The following ZNF565 variants were observed in gnomAD, a reference collection of about 807,000 sequenced individuals.
The protein encoded by ZNF565 is zinc finger protein 565.
ZNF565 carries 27 observed loss-of-function variants against 39.4 expected under a neutral mutation model. That is an observed-to-expected ratio of 0.69 (90% CI 0.51 to 0.95). The LOEUF (loss-of-function observed/expected upper bound fraction) is 0.95, where lower values mean the gene tolerates loss of function less well. Ranked by LOEUF, ZNF565 falls within the 40% of genes least tolerant of loss-of-function variation. ZNF565 has a pLI of 0.00. For synonymous variants in ZNF565, 185 were observed against 216.6 expected (o/e 0.85, Z 1.28); for missense variants, 524 against 621.1 (o/e 0.84, Z 1.66).
At chr19:36,212,165 A>C (rs528811104) in intron 1 of ZNF565, among the ~76,000 whole-genome samples, 11 of 152,354 alleles carry the variant, frequency 7.2e-5, no homozygotes, top group African/African-American at 2.6e-4. Flanking sequence ...CCCCAAAGGC[A>C]GAATCTGAAT....
chr19:36,182,578 G>C lies in ZNF565; in HGVS notation c.1388C>G (p.Thr463Ser). 1 of 1,614,020 alleles carries C rather than the reference G, an allele frequency of 6.2e-7. No homozygotes were observed. Among genetic ancestry groups the C allele is most frequent in the Non-Finnish European group, 8.5e-7 (1 of 1,179,970 alleles). Residue 463 changes from threonine (T) to serine (S), a missense_variant, in exon 5 of 5, where the codon ACC becomes AGC. Transcript: ENST00000304116. ...ACCAGGATGAATTCTCTGATGTTCG[G>C]TAAGTTGTGAACTACGAATAAAGGC... ...GMAFIRSSQL[T>S]EHQRIHPGIK... is the part of the protein sequence containing the mutation.
chr19:36,228,225 C>G (rs56686317), intron 1 of ZNF565, among the ~76,000 whole-genome samples: 39,035 of 150,632 alleles, frequency 0.26, 5,432 homozygotes, highest in African/African-American at 0.37. Flanking sequence ...AATAGGACTT[C>G]AGGAAAATGT....
chr19:36,210,322 G>A (rs1976305197), intron 1 of ZNF565, among the ~76,000 whole-genome samples: 1 of 150,590 alleles, frequency 6.6e-6, no homozygotes, highest in Admixed American at 6.7e-5. Context: ...TACTCGGGAG[G>A]CTGAGGCAGG....
intron 1 of ZNF565, among the ~76,000 whole-genome samples, chr19:36,205,484 C>T (rs984193444): frequency 6.6e-6 from 1 of 152,046 alleles, no homozygotes; most frequent in Non-Finnish European, 1.5e-5. Flanking sequence ...GCCGAGATGG[C>T]ACCATTGCAC....
chr19:36,238,802 A>G (rs180817894), intron 1 of ZNF565: 43 of 166,752 alleles, frequency 2.6e-4, no homozygotes, highest in African/African-American at 6.5e-4. Context: ...AACATGGCAT[A>G]CACACTATAT....
At chr19:36,187,457 A>G (rs1599912732) in intron 4 of ZNF565, among the ~76,000 whole-genome samples, 1 of 139,342 alleles carries the variant, frequency 7.2e-6, no homozygotes, top group Admixed American at 7.3e-5. Flanking sequence ...TGCCTCCCGG[A>G]TTCACGCCAT....
chr19:36,195,534 AT>A (rs1039263258), intron 2 of ZNF565, among the ~76,000 whole-genome samples: 4 of 147,686 alleles, frequency 2.7e-5, no homozygotes, highest in Non-Finnish European at 4.5e-5. Context: ...AGTGTTCTCA[AT>A]TTTTTTTCTT....
intron 1 of ZNF565, among the ~76,000 whole-genome samples, chr19:36,222,122 C>T (rs1199931218): frequency 6.6e-6 from 1 of 151,974 alleles, no homozygotes; most frequent in Non-Finnish European, 1.5e-5. Context: ...GATGAGGTCT[C>T]ACTGTTTCCC....
chr19:36,241,175 G>A (rs1281256951), intron 1 of ZNF565, among the ~76,000 whole-genome samples: 7 of 152,162 alleles, frequency 4.6e-5, no homozygotes, highest in Non-Finnish European at 4.4e-5. Context: ...TTATTTAATG[G>A]AGGAAAGAAT....
chr19:36,207,558 TAACA>T (rs940977801), intron 1 of ZNF565, among the ~76,000 whole-genome samples: 15 of 148,588 alleles, frequency 1.0e-4, no homozygotes, highest in Admixed American at 2.0e-4. Flanking sequence ...AAAAAATACA[TAACA>T]AACAAACAAC....
chr19:36,217,626 T>C (rs1262388388), upstream of ZNF565, among the ~76,000 whole-genome samples: 1 of 152,110 alleles, frequency 6.6e-6, no homozygotes, highest in Non-Finnish European at 1.5e-5. Context: ...AATATGTATT[T>C]ATAATCCCAG....
At chr19:36,187,915 G>A (rs1975367746) in intron 4 of ZNF565, among the ~76,000 whole-genome samples, 1 of 151,862 alleles carries the variant, frequency 6.6e-6, no homozygotes, top group Admixed American at 6.6e-5. Flanking sequence ...TGGGATTACA[G>A]GCGTGAGCCA....
At chr19:36,218,642 T>A (rs1976712606), upstream of ZNF565, among the ~76,000 whole-genome samples, 1 of 151,776 alleles carries the variant, frequency 6.6e-6, no homozygotes, top group Non-Finnish European at 1.5e-5. Flanking sequence ...ATTTTGTTTT[T>A]GTATTTTTAG....
Position 36,245,683 on chromosome 19 carries a change from C to A in ZNF565, c.-153G>T. The A allele has an allele frequency of 1.6e-6, 1 of 626,360 alleles. No individual in the cohort carries two copies. The highest frequency in any genetic ancestry group is 2.5e-5 in the Admixed American group (1 of 39,498). 38.8% of individuals were successfully genotyped at this position (626,360 alleles called of 1,614,324 possible). ...GTGCCCGGGTGAATGGGTTCAGGGT[C>A]TCTTAAGGACCCTCCGTTGACGATG... On this transcript the variant is annotated 5_prime_UTR_variant, in exon 1 of 5. Transcript: ENST00000355114. This position sits in a 1 kb window ranked among gnomAD's most constrained non-coding sequence, Gnocchi z 4.4.
chr19:36,212,464 T>A (rs1019246203), intron 1 of ZNF565, among the ~76,000 whole-genome samples: 3 of 151,896 alleles, frequency 2.0e-5, no homozygotes, highest in Non-Finnish European at 4.4e-5. Context: ...CTACTAAAAT[T>A]ACAAAAAATC....
At chr19:36,238,543 T>C (rs1977730342) in intron 1 of ZNF565, 1 of 167,098 alleles carries the variant, frequency 6.0e-6, no homozygotes, top group African/African-American at 2.4e-5. Flanking sequence ...TCTTGTCTTA[T>C]TTTTTGTACT....
At chr19:36,244,553 A>T (rs998204627) in intron 1 of ZNF565, among the ~76,000 whole-genome samples, 2 of 150,790 alleles carry the variant, frequency 1.3e-5, no homozygotes, top group Admixed American at 1.3e-4. Context: ...AAGTTTATTA[A>T]TTTTTTTTTA....
intron 1 of ZNF565, 167 bp downstream of exon 1, chr19:36,214,455 C>T (rs1474616231): frequency 1.3e-5 from 2 of 153,272 alleles, no homozygotes; most frequent in African/African-American, 2.4e-5. Flanking sequence ...CACCAGACAC[C>T]CTGGAGACAG....
At chr19:36,209,461 C>T (rs1011003565) in intron 1 of ZNF565, among the ~76,000 whole-genome samples, 2 of 152,010 alleles carry the variant, frequency 1.3e-5, no homozygotes, top group East Asian at 1.9e-4. Context: ...CGCCATTGCA[C>T]GCTAGCCTGG....
Sources: allele counts gnomAD v4.1 joint callset (sites outside exome capture counted in the v4.1 genomes callset), GRCh38; gene constraint gnomAD v4.1.1; non-coding constraint Gnocchi (gnomAD v3.1); transcripts MANE v1.5; gene names NCBI Gene and HGNC (gene_info 2026-07-23, HGNC 2026-07-21).